USP48: variants seen among roughly 807,000 people sequenced by gnomAD.
USP48 encodes the protein ubiquitin specific peptidase 48.
USP48 carries 43 observed loss-of-function variants against 150.7 expected under a neutral mutation model. The observed-to-expected ratio is 0.29, with a 90% CI of 0.22 to 0.37. USP48 has a LOEUF of 0.37. Among genes scored for constraint, USP48 ranks in the 10% least tolerant of loss-of-function variants. The pLI, the probability that USP48 is intolerant of heterozygous loss-of-function variation, is 1.00. For missense variants in USP48, 813 were observed against 1,249.6 expected (o/e 0.65, Z 5.27); for synonymous variants, 396 against 425.9 (o/e 0.93, Z 0.86).
intron 11 of USP48, chr1:21,727,770 G>C (rs1223224855): frequency 1.7e-6 from 1 of 597,428 alleles, no homozygotes; most frequent in Non-Finnish European, 2.1e-6. Flanking sequence ...TTATAGACTT[G>C]GCAATTTTTG....
At chr1:21,679,706 T>C (rs901779559) in intron 26 of USP48, among the ~76,000 whole-genome samples, 12 of 152,344 alleles carry the variant, frequency 7.9e-5, no homozygotes, top group African/African-American at 2.9e-4. Context: ...TAATGACCAT[T>C]CTTCTTTTCT....
chr1:21,748,714 C>G (rs145994691), intron 6 of USP48, among the ~76,000 whole-genome samples: 6 of 152,210 alleles, frequency 3.9e-5, no homozygotes, highest in Non-Finnish European at 5.9e-5. Flanking sequence ...AATTCGAGAC[C>G]GGCCTGGCTG....
At chr1:21,742,404 C>T (rs778387698) in intron 8 of USP48, among the ~76,000 whole-genome samples, 1 of 151,800 alleles carries the variant, frequency 6.6e-6, no homozygotes, top group East Asian at 1.9e-4. Context: ...ATTAGCCAAC[C>T]GTGGTGGTGC....
intron 1 of USP48, 70 bp from the exon 2 acceptor site, chr1:21,757,853 T>C: frequency 1.3e-6 from 2 of 1,481,524 alleles, no homozygotes; most frequent in Admixed American, 2.6e-5. Context: ...AAATTAAAAC[T>C]AAAATGAGAT....
At chr1:21,708,319 C>T (rs1204035447) in intron 15 of USP48, among the ~76,000 whole-genome samples, 2 of 151,626 alleles carry the variant, frequency 1.3e-5, no homozygotes, top group Admixed American at 6.6e-5. Flanking sequence ...GCCAACATGG[C>T]GAAACCCCGT....
Position 21,695,117 on chromosome 1 carries a change from C to T in USP48, c.2832G>A (p.Glu944=), listed in dbSNP as rs2097622920. 2 of 1,613,606 alleles carry T rather than the reference C, an allele frequency of 1.2e-6. No individual in the cohort carries two copies. The highest frequency in any genetic ancestry group is 1.7e-6 in the Non-Finnish European group (2 of 1,179,862). ...RSMRHRKVRG[E]KALLVSANQT... ...GATTAGCAGAAACGAGAAGTGCTTT[C>T]TCACCACGAACTTTTCTATGTCGCA... is the stretch of plus-strand genomic sequence containing the variant. Residue 944 remains glutamate, a synonymous_variant, in exon 23 of 27, where the codon GAG becomes GAA. Coordinates refer to ENST00000308271, the MANE Select transcript of USP48 (RefSeq NM_032236.8).
chr1:21,738,958 G>A (rs1207386150), intron 8 of USP48, among the ~76,000 whole-genome samples: 1 of 152,128 alleles, frequency 6.6e-6, no homozygotes, highest in Non-Finnish European at 1.5e-5. Context: ...TGAAGATACT[G>A]GGTAAGATAA....
chr1:21,734,080 C>G (rs16825900), intron 9 of USP48, among the ~76,000 whole-genome samples: 11,932 of 152,264 alleles, frequency 0.078, 657 homozygotes, highest in East Asian at 0.27. Context: ...TGCTGAAGTT[C>G]TATAAACACA....
chr1:21,752,465 G>A (rs2097818869), intron 5 of USP48, 62 bp downstream of exon 5: 1 of 1,579,632 alleles, frequency 6.3e-7, no homozygotes, highest in Middle Eastern at 1.7e-4. Context: ...CTGAAAAATA[G>A]TTAACATATG....
Position 21,690,105 on chromosome 1 carries a change from C to T in USP48, c.2884-6G>A. The stretch of plus-strand genomic sequence containing the variant: ...ACTGAAAATGCATGCATGATCTGTG[C>T]CAATATAAAAGAGAGAAAGTCCGTA... On this transcript the variant is annotated splice_region_variant and splice_polypyrimidine_tract_variant and intron_variant, in intron 23 of 26. Coordinates refer to ENST00000308271, the MANE Select transcript of USP48 (RefSeq NM_032236.8). 6.2e-7 allele frequency: 1 copy of T among 1,609,958 alleles called. No homozygotes were observed. Among genetic ancestry groups the T allele is most frequent in the Non-Finnish European group, 8.5e-7 (1 of 1,178,040 alleles).
chr1:21,701,462 G>GA (rs2097656824), intron 22 of USP48, 36 bp downstream of exon 22: 4 of 1,579,258 alleles, frequency 2.5e-6, no homozygotes, highest in Non-Finnish European at 3.5e-6. Context: ...AAGAACAGCA[G>GA]AAAGTATAAC....
intron 9 of USP48, among the ~76,000 whole-genome samples, chr1:21,735,102 A>G (rs2097765836): frequency 6.6e-6 from 1 of 152,230 alleles, no homozygotes; most frequent in South Asian, 2.1e-4. Flanking sequence ...TCCTGACCCA[A>G]GGAAAATAAT....
At chr1:21,742,965 G>A (rs901428380) in intron 8 of USP48, among the ~76,000 whole-genome samples, 7 of 152,182 alleles carry the variant, frequency 4.6e-5, no homozygotes, top group African/African-American at 1.4e-4. Context: ...AACATGGTCA[G>A]TAATGGATTA....
rs1342912410 is a variant in USP48, at chr1:21,730,475, A to G, written c.1172-643T>C. On this transcript the variant is annotated intron_variant, in intron 9 of 26. Coordinates refer to ENST00000308271, the MANE Select transcript of USP48 (RefSeq NM_032236.8). The stretch of plus-strand genomic sequence containing the variant: ...TAAATTAAATTAAATTAAAAAATAA[A>G]AACAGGCCAGGTGCGGTGGCTCACA... 2.0e-5 allele frequency among the ~76,000 whole-genome samples: 3 copies of G among 151,646 alleles called. No homozygotes were observed. In the East Asian group the frequency reaches 5.9e-4, roughly 30 times the overall value.
intron 1 of USP48, among the ~76,000 whole-genome samples, chr1:21,781,471 G>C (rs2097914339): frequency 6.6e-6 from 1 of 152,034 alleles, no homozygotes; most frequent in Non-Finnish European, 1.5e-5. Context: ...AATTGGCCCA[G>C]CATGGTGGCT....
At chr1:21,689,865 C>T (rs2097592258) in intron 24 of USP48, 109 bp downstream of exon 24, 1 of 1,443,928 alleles carries the variant, frequency 6.9e-7, no homozygotes, top group Non-Finnish European at 9.4e-7. Flanking sequence ...TTATCACTAC[C>T]CTCTGCTAAA....
intron 1 of USP48, among the ~76,000 whole-genome samples, chr1:21,764,784 A>G (rs2097857968): frequency 6.6e-6 from 1 of 151,772 alleles, no homozygotes; most frequent in African/African-American, 2.4e-5. Context: ...GAGATTAGCA[A>G]CCTTTAGTCC....
chr1:21,684,574 G>A (rs2097575696), intron 25 of USP48, among the ~76,000 whole-genome samples: 1 of 152,074 alleles, frequency 6.6e-6, no homozygotes, highest in Non-Finnish European at 1.5e-5. Flanking sequence ...GGTTATTTTT[G>A]GTTTTGTTCC....
At chr1:21,757,492 A>G in intron 2 of USP48, 171 bp downstream of exon 2, 1 of 564,056 alleles carries the variant, frequency 1.8e-6, no homozygotes, top group Middle Eastern at 3.5e-4. Context: ...AAAGCATATC[A>G]TTAAGAAGTG....
Sources: gnomAD v4.1 joint callset for allele counts (sites outside exome capture counted in the v4.1 genomes callset) on GRCh38, gnomAD v4.1.1 for gene constraint, MANE v1.5 for transcripts, NCBI Gene and HGNC (gene_info 2026-07-23, HGNC 2026-07-21) for gene names.